The following UBE2F variants were observed in gnomAD, a reference collection of about 807,000 sequenced individuals.
UBE2F encodes the protein ubiquitin conjugating enzyme E2 F (putative).
Under a neutral mutation model 29.6 loss-of-function variants are expected in UBE2F, and 5 were observed. The ratio of observed to expected loss-of-function variants is 0.17; its 90% confidence interval spans 0.09 to 0.36. The LOEUF (loss-of-function observed/expected upper bound fraction) is 0.36, where lower values mean the gene tolerates loss of function less well. UBE2F is among the 10% of genes least tolerant of loss of function. The probability of loss-of-function intolerance (pLI) is 1.00; values close to 1 mark genes in which losing one functional copy is unlikely to be tolerated. For missense variants in UBE2F, 141 were observed against 228.5 expected (o/e 0.62, Z 2.47); for synonymous variants, 66 against 81.8 (o/e 0.81, Z 1.04).
At chr2:238,020,920 C>T (rs1190466854) in intron 5 of UBE2F, among the ~76,000 whole-genome samples, 2 of 152,218 alleles carry the variant, frequency 1.3e-5, no homozygotes, top group South Asian at 2.1e-4. Context: ...ATGAGGAGCC[C>T]GGGTGGTGAT....
At chr2:237,983,921 C>T in intron 2 of UBE2F, among the ~76,000 whole-genome samples, 1 of 152,012 alleles carries the variant, frequency 6.6e-6, no homozygotes. Context: ...CCTTTTTTCT[C>T]CCTTTTGTTG....
chr2:238,039,060 C>T (rs2064782383), intron 9 of UBE2F, among the ~76,000 whole-genome samples: 3 of 152,162 alleles, frequency 2.0e-5, no homozygotes, highest in African/African-American at 7.2e-5. Flanking sequence ...CATGGTGAAA[C>T]CCCATCTCTA....
At chr2:237,968,789 A>G in intron 1 of UBE2F, 1 of 955,480 alleles carries the variant, frequency 1.0e-6, no homozygotes. Flanking sequence ...AGAACAGCTG[A>G]TCTGTTACCG....
At chr2:238,020,718 C>T (rs370342800) in intron 5 of UBE2F, among the ~76,000 whole-genome samples, 1 of 152,244 alleles carries the variant, frequency 6.6e-6, no homozygotes, top group Non-Finnish European at 1.5e-5. Context: ...TCCTTTGCCT[C>T]TGCAGTTTAA....
At chr2:237,973,487 A>G (rs1431718706) in intron 2 of UBE2F, among the ~76,000 whole-genome samples, 1 of 152,234 alleles carries the variant, frequency 6.6e-6, no homozygotes, top group East Asian at 1.9e-4. Flanking sequence ...CCAAAATGCT[A>G]GCAGAAAGAA....
intron 8 of UBE2F, 52 bp from the exon 9 acceptor site, chr2:238,035,826 C>T: frequency 2.0e-6 from 3 of 1,466,908 alleles, no homozygotes; most frequent in African/African-American, 1.4e-5. Context: ...AAGACTTTAA[C>T]AGCAGAAAAG....
intron 2 of UBE2F, among the ~76,000 whole-genome samples, chr2:237,979,186 G>A (rs757444421): frequency 7.9e-5 from 12 of 152,200 alleles, no homozygotes; most frequent in South Asian, 4.1e-4. Flanking sequence ...GATTCTGTGC[G>A]TACCCCTTGT....
intron 4 of UBE2F, among the ~76,000 whole-genome samples, chr2:238,012,044 A>T (rs1384301994): frequency 2.3e-5 from 3 of 131,496 alleles, no homozygotes; most frequent in South Asian, 2.6e-4. Flanking sequence ...ACACCTGGCA[A>T]TTTTTTTTTT....
chr2:238,033,853 G>A (rs2064643344), intron 8 of UBE2F, among the ~76,000 whole-genome samples: 1 of 152,218 alleles, frequency 6.6e-6, no homozygotes, highest in South Asian at 2.1e-4. Flanking sequence ...TGAAGTGAAT[G>A]AAGTTTTATT....
intron 2 of UBE2F, among the ~76,000 whole-genome samples, chr2:237,984,046 C>T (rs950520731): frequency 2.6e-5 from 4 of 151,632 alleles, no homozygotes; most frequent in Admixed American, 6.6e-5. Context: ...TACTCCTCCT[C>T]TTCTTACCCC....
At position 238,035,803 on chromosome 2, in the gene UBE2F, G is replaced by A. The variant is rs1055483086; in HGVS notation, c.445-75G>A. ...ATTTGCTAATTAGACTTCTCTTACTGTGCCATAAAATGAAGACTTTAACAG... is the reference window on the plus strand; with the variant it reads ...ATTTGCTAATTAGACTTCTCTTACTATGCCATAAAATGAAGACTTTAACAG... On this transcript the variant is annotated intron_variant, in intron 8 of 9. Coordinates refer to ENST00000272930, the MANE Select transcript of UBE2F (RefSeq NM_080678.3). 3 of 1,169,088 alleles carry A rather than the reference G, an allele frequency of 2.6e-6. No homozygotes were observed. In the African/African-American group the frequency reaches 5.0e-5, roughly 19 times the overall value. The allele number at this position is 1,169,088 out of a possible 1,614,324, so 72.4% of individuals were successfully genotyped here. A position where few individuals can be genotyped will look rare whatever the true frequency, so the allele number is the denominator to read the frequency against.
chr2:237,989,760 G>T (rs1210580584), intron 3 of UBE2F, among the ~76,000 whole-genome samples: 2 of 152,146 alleles, frequency 1.3e-5, no homozygotes, highest in Non-Finnish European at 2.9e-5. Context: ...AAAGACACTG[G>T]ATTGCTTGAC....
chr2:238,027,897 T>C (rs2064470592), intron 6 of UBE2F, among the ~76,000 whole-genome samples: 1 of 152,224 alleles, frequency 6.6e-6, no homozygotes, highest in Non-Finnish European at 1.5e-5. Context: ...TTGCCCTGGC[T>C]CCACCTTGTT....
chr2:238,041,599 C>G lies in UBE2F; in HGVS notation c.*261C>G. On this transcript the variant is annotated 3_prime_UTR_variant, in exon 10 of 10. Transcript: ENST00000272930. Reference sequence around the variant, plus strand: ...ACCTTAACATGTTTACTTTTTTGAACTTGTACTGTATAGGCTGTTGGTGAA... The same window carrying G: ...ACCTTAACATGTTTACTTTTTTGAAGTTGTACTGTATAGGCTGTTGGTGAA... 1 of 444,666 alleles carries G rather than the reference C, an allele frequency of 2.2e-6. No individual in the cohort carries two copies. The highest frequency in any genetic ancestry group is 4.1e-6 in the Non-Finnish European group (1 of 243,014). The allele number at this position is 444,666 out of a possible 1,614,324, so 27.5% of individuals were successfully genotyped here. A position where few individuals can be genotyped will look rare whatever the true frequency, so the allele number is the denominator to read the frequency against.
intron 4 of UBE2F, among the ~76,000 whole-genome samples, chr2:237,995,039 A>G (rs1413489114): frequency 6.6e-6 from 1 of 152,246 alleles, no homozygotes; most frequent in Non-Finnish European, 1.5e-5. Flanking sequence ...AAATATAACT[A>G]AAGTTAATGA....
intron 3 of UBE2F, among the ~76,000 whole-genome samples, chr2:237,991,609 C>CTTTCTTTCTTTTTTTTTTTTTTTTTT (rs57180067): frequency 2.8e-4 from 15 of 53,048 alleles, no homozygotes; most frequent in South Asian, 1.2e-3. Context: ...TTCTTTCTTT[C>CTTTCTTTCTTTTTTTTTTTTTTTTTT]TTTTTTTTTT....
At chr2:238,000,503 T>C (rs2063771413) in intron 4 of UBE2F, among the ~76,000 whole-genome samples, 1 of 152,254 alleles carries the variant, frequency 6.6e-6, no homozygotes, top group African/African-American at 2.4e-5. Flanking sequence ...TTCTGTATTT[T>C]GTATTGTTGA....
intron 4 of UBE2F, chr2:238,003,220 C>T: frequency 1.6e-5 from 5 of 309,082 alleles, no homozygotes; most frequent in Non-Finnish European, 2.7e-5. Context: ...TCTTTTCTTT[C>T]AAATAATCTT....
At position 238,016,430 on chromosome 2, in the gene UBE2F, A is replaced by G. The variant is rs922586826; in HGVS notation, c.215-136A>G. The G allele has an allele frequency of 8.9e-6, 6 of 674,246 alleles. No homozygotes were observed. The African/African-American group carries it at 9.1e-5, about 10-fold the overall frequency. 41.8% of individuals were successfully genotyped at this position (674,246 alleles called of 1,614,324 possible). ...CAGTGTGTGTGCATTTGGTGATGGA[A>G]CCGAGGAACTCTGCAGGCCTGTTTT... On this transcript the variant is annotated intron_variant, in intron 4 of 9. Transcript: ENST00000272930.
Sources: gnomAD v4.1 joint callset for allele counts (sites outside exome capture counted in the v4.1 genomes callset) on GRCh38, gnomAD v4.1.1 for gene constraint, MANE v1.5 for transcripts, NCBI Gene and HGNC (gene_info 2026-07-23, HGNC 2026-07-21) for gene names.